Variants in RBFOX1 observed in about 807,000 individuals in gnomAD.
RBFOX1 encodes RNA binding protein fox-1 homolog 1.
Under a neutral mutation model 57.7 loss-of-function variants are expected in RBFOX1, and 8 were observed. That is an observed-to-expected ratio of 0.14 (90% CI 0.08 to 0.25). RBFOX1 has a LOEUF of 0.25. RBFOX1 is among the 10% of genes least tolerant of loss of function. The pLI is 1.00. For synonymous variants in RBFOX1, 326 were observed against 222.4 expected (o/e 1.47, Z -4.15); for missense variants, 611 against 548.5 (o/e 1.11, Z -1.14).
chr16:7,665,400 CAGT>C (rs909053697), intron 13 of RBFOX1, among the ~76,000 whole-genome samples: 94 of 152,282 alleles, frequency 6.2e-4, no homozygotes, highest in African/African-American at 2.2e-3. Context: ...TAAAATATCA[CAGT>C]AGCCTTAGGA....
chr16:7,401,592 C>G (rs1018715238), intron 4 of RBFOX1, among the ~76,000 whole-genome samples: 1 of 152,190 alleles, frequency 6.6e-6, no homozygotes, highest in Non-Finnish European at 1.5e-5. Flanking sequence ...GTTGTTTATG[C>G]TCTGTGTGAT....
intron 4 of RBFOX1, among the ~76,000 whole-genome samples, chr16:5,888,362 T>C (rs2057952513): frequency 6.6e-6 from 1 of 152,182 alleles, no homozygotes; most frequent in Admixed American, 6.5e-5. Context: ...TTATCACAAT[T>C]TATGATCATT....
At chr16:6,966,693 G>T (rs1424652804) in intron 3 of RBFOX1, among the ~76,000 whole-genome samples, 3 of 152,130 alleles carry the variant, frequency 2.0e-5, no homozygotes, top group Admixed American at 6.6e-5. Context: ...GAAGTGAAGC[G>T]AAATTGATCT....
intron 2 of RBFOX1, among the ~76,000 whole-genome samples, chr16:6,391,405 G>T (rs956619228): frequency 1.3e-5 from 2 of 151,834 alleles, no homozygotes; most frequent in African/African-American, 4.8e-5. Flanking sequence ...AGCTACTGGG[G>T]AGGCTGAGGC....
chr16:5,438,453 T>C (rs537656441), intron 1 of RBFOX1, among the ~76,000 whole-genome samples: 1 of 152,326 alleles, frequency 6.6e-6, no homozygotes, highest in Non-Finnish European at 1.5e-5. Flanking sequence ...ACACTTCAAG[T>C]GCTGTCTTGA....
chr16:5,949,308 C>T (rs932036676), intron 4 of RBFOX1, among the ~76,000 whole-genome samples: 4 of 152,036 alleles, frequency 2.6e-5, no homozygotes, highest in African/African-American at 7.2e-5. Flanking sequence ...AGGCCGATCA[C>T]GAGGTCAGGA....
intron 3 of RBFOX1, among the ~76,000 whole-genome samples, chr16:5,696,992 G>A (rs4297678): frequency 0.57 from 86,800 of 152,000 alleles, 27,169 homozygotes; most frequent in Non-Finnish European, 0.72. Context: ...GACTCACTGC[G>A]TCCTCTGCCT....
chr16:7,710,262 T>G lies in RBFOX1; in HGVS notation c.1072-361T>G, dbSNP rs74012234. The G allele has an allele frequency of 1.8e-3, 2,009 of 1,100,094 alleles. 35 individuals are homozygous for G. In the African/African-American group the frequency reaches 0.032, roughly 18 times the overall value. The allele number at this position is 1,100,094 out of a possible 1,614,324, so 68.1% of individuals were successfully genotyped here. A position where few individuals can be genotyped will look rare whatever the true frequency, so the allele number is the denominator to read the frequency against. On this transcript the variant is annotated intron_variant, in intron 15 of 15. Transcript: ENST00000550418. The stretch of plus-strand genomic sequence containing the variant: ...CAACACCTAGTCCACATGAGGAATG[T>G]GTTGGAGAGTTGAATTACATTCAAC...
intron 2 of RBFOX1, among the ~76,000 whole-genome samples, chr16:5,485,761 C>G (rs1308037907): frequency 6.6e-6 from 1 of 152,186 alleles, no homozygotes; most frequent in Non-Finnish European, 1.5e-5. Context: ...TCCAGAACTT[C>G]AAAAGTGCTT....
intron 4 of RBFOX1, among the ~76,000 whole-genome samples, chr16:7,177,546 C>G (rs929744794): frequency 6.6e-6 from 1 of 151,878 alleles, no homozygotes; most frequent in Non-Finnish European, 1.5e-5. Context: ...TGGTTTTCTA[C>G]CTTGTGTCTT....
At chr16:5,814,035 A>G (rs1164069425) in intron 3 of RBFOX1, among the ~76,000 whole-genome samples, 2 of 152,240 alleles carry the variant, frequency 1.3e-5, no homozygotes, top group African/African-American at 4.8e-5. Flanking sequence ...TAGTAATGGT[A>G]ATAGTAATAG....
At chr16:5,665,141 C>G (rs11648368) in intron 3 of RBFOX1, among the ~76,000 whole-genome samples, 96,053 of 118,994 alleles carry the variant, frequency 0.81, 37,362 homozygotes, top group Admixed American at 0.84. Context: ...TGGGGGGGGG[C>G]GGTCTTGCTA....
chr16:7,469,053 C>T (rs1024611427), intron 4 of RBFOX1, among the ~76,000 whole-genome samples: 128 of 152,186 alleles, frequency 8.4e-4, no homozygotes, highest in African/African-American at 3.0e-3. Flanking sequence ...CCTGCCTCAG[C>T]CTCCTGAGTA....
At chr16:7,429,555 AT>A (rs370572707) in intron 4 of RBFOX1, among the ~76,000 whole-genome samples, 1 of 152,312 alleles carries the variant, frequency 6.6e-6, no homozygotes, top group African/African-American at 2.4e-5. Context: ...GAAGCCACCT[AT>A]TTTGTCCTCT....
At chr16:5,380,406 T>A (rs2066101991) in intron 1 of RBFOX1, among the ~76,000 whole-genome samples, 1 of 152,224 alleles carries the variant, frequency 6.6e-6, no homozygotes, top group Non-Finnish European at 1.5e-5. Context: ...ACAACTCAGC[T>A]GAACTCTAAA....
chr16:6,060,236 G>A lies in RBFOX1; in HGVS notation c.-127+40244G>A, dbSNP rs1204099501. Among the ~76,000 whole-genome samples, 3 of 144,378 alleles carry A rather than the reference G, an allele frequency of 2.1e-5. No individual in the cohort carries two copies. The Admixed American group carries it at 2.1e-4, about 10-fold the overall frequency. The allele number at this position is 144,378 out of a possible 152,430, so 94.7% of individuals were successfully genotyped here. A position where few individuals can be genotyped will look rare whatever the true frequency, so the allele number is the denominator to read the frequency against. ...TTGTTGCTACAACGTACTGAGTTTT[G>A]GCTCTCAAATTCTCCTCTTCTTAGC... On this transcript the variant is annotated intron_variant, in intron 1 of 15. Transcript: ENST00000550418.
intron 4 of RBFOX1, among the ~76,000 whole-genome samples, chr16:7,191,665 C>T (rs529392029): frequency 3.3e-5 from 5 of 152,116 alleles, no homozygotes; most frequent in African/African-American, 7.2e-5. Context: ...TGCGTGTTTC[C>T]GTCAGAAGGG....
At chr16:6,178,978 T>C (rs762105563) in intron 1 of RBFOX1, among the ~76,000 whole-genome samples, 3 of 152,140 alleles carry the variant, frequency 2.0e-5, no homozygotes, top group Non-Finnish European at 2.9e-5. Context: ...GTTGTCTCAA[T>C]TGGGAAGGAT....
intron 3 of RBFOX1, among the ~76,000 whole-genome samples, chr16:6,888,926 T>A (rs145542024): frequency 1.7e-4 from 26 of 152,318 alleles, no homozygotes; most frequent in African/African-American, 6.0e-4. Context: ...GCCAAGCAGA[T>A]AGAAACCTTT....
Sources: gnomAD v4.1 joint callset for allele counts (sites outside exome capture counted in the v4.1 genomes callset) on GRCh38, gnomAD v4.1.1 for gene constraint, MANE v1.5 for transcripts, NCBI Gene and HGNC (gene_info 2026-07-23, HGNC 2026-07-21) for gene names.